Variants in TAOK3 observed in about 807,000 individuals in gnomAD.
TAOK3 encodes serine/threonine-protein kinase TAO3.
In TAOK3, 40 loss-of-function variants were observed where a neutral mutation model predicts 120.4. The observed-to-expected ratio is 0.33, with a 90% CI of 0.26 to 0.43. The LOEUF (loss-of-function observed/expected upper bound fraction) is 0.43. Among genes scored for constraint, TAOK3 ranks in the 20% least tolerant of loss-of-function variants. TAOK3 has a pLI of 1.00. For missense variants in TAOK3, 821 were observed against 1,112.1 expected (o/e 0.74, Z 3.72); for synonymous variants, 355 against 387.5 (o/e 0.92, Z 0.99).
intron 9 of TAOK3, among the ~76,000 whole-genome samples, chr12:118,225,178 G>T (rs2039439811): frequency 6.7e-6 from 1 of 150,138 alleles, no homozygotes; most frequent in South Asian, 2.1e-4. Context: ...AGTCCAGGGG[G>T]TGGAGGTTGC....
chr12:118,287,563 G>A (rs1312046517), intron 1 of TAOK3, among the ~76,000 whole-genome samples: 1 of 152,128 alleles, frequency 6.6e-6, no homozygotes, highest in East Asian at 1.9e-4. Context: ...GAAGTCTTAG[G>A]TCCTAGTGTC....
intron 1 of TAOK3, among the ~76,000 whole-genome samples, chr12:118,273,364 T>C (rs1023834873): frequency 6.6e-6 from 1 of 151,966 alleles, no homozygotes; most frequent in African/African-American, 2.4e-5. Context: ...TAGCCAGGTG[T>C]GGTGGTACAC....
chr12:118,194,896 G>A (rs967151342), intron 13 of TAOK3, among the ~76,000 whole-genome samples: 4 of 151,894 alleles, frequency 2.6e-5, no homozygotes, highest in Admixed American at 6.6e-5. Flanking sequence ...TTACAGGCGC[G>A]TGCCACCACG....
intron 9 of TAOK3, among the ~76,000 whole-genome samples, chr12:118,218,707 G>T (rs898323215): frequency 6.6e-6 from 1 of 151,818 alleles, no homozygotes; most frequent in Non-Finnish European, 1.5e-5. Flanking sequence ...TGAATTCATG[G>T]ATGTGGAACC....
intron 20 of TAOK3, 120 bp from the exon 21 acceptor site, chr12:118,151,278 T>TGCGCGC (rs761134529): frequency 1.3e-5 from 8 of 631,778 alleles, no homozygotes; most frequent in African/African-American, 1.0e-4. Context: ...ACACATGAAG[T>TGCGCGC]GCGCGCGCGC....
chr12:118,218,225 T>G (rs2039037924), intron 9 of TAOK3, among the ~76,000 whole-genome samples: 1 of 152,022 alleles, frequency 6.6e-6, no homozygotes, highest in African/African-American at 2.4e-5. Context: ...GAAGTTGCTG[T>G]GTGGTCGAAT....
chr12:118,229,557 TATG>T (rs2039667899), intron 9 of TAOK3, among the ~76,000 whole-genome samples: 2 of 152,350 alleles, frequency 1.3e-5, no homozygotes, highest in South Asian at 2.1e-4. Context: ...TAGTAAAAGT[TATG>T]ATATTTATCA....
At position 118,314,076 on chromosome 12, in the gene TAOK3, C is replaced by T. The variant is rs543053289; in HGVS notation, c.-193-47317G>A. Among the ~76,000 whole-genome samples the T allele has an allele frequency of 3.9e-5, 6 of 152,236 alleles. No homozygotes were observed. The South Asian group carries it at 1.2e-3, about 32-fold the overall frequency. On this transcript the variant is annotated intron_variant, in intron 1 of 20. Coordinates refer to ENST00000392533, the MANE Select transcript of TAOK3 (RefSeq NM_016281.4). ...CTTTTAACAGTGACATTTTAATTTC[C>T]ATCACAGTACACACTACCTATGTAT...
At chr12:118,353,324 C>T (rs569720367) in intron 1 of TAOK3, among the ~76,000 whole-genome samples, 4 of 152,108 alleles carry the variant, frequency 2.6e-5, no homozygotes, top group South Asian at 2.1e-4. Context: ...GCGTAGGCAG[C>T]GAGAAGCTCC....
intron 9 of TAOK3, among the ~76,000 whole-genome samples, chr12:118,227,650 G>A (rs911765845): frequency 6.6e-6 from 1 of 152,126 alleles, no homozygotes; most frequent in Non-Finnish European, 1.5e-5. Context: ...GAGAAACTGA[G>A]GATTAGGGAA....
intron 1 of TAOK3, among the ~76,000 whole-genome samples, chr12:118,365,422 G>A (rs1333938733): frequency 6.6e-6 from 1 of 151,588 alleles, no homozygotes; most frequent in African/African-American, 2.4e-5. Context: ...TTGTAGAGAT[G>A]GGCGGGGGCG....
Position 118,162,024 on chromosome 12 carries a change from G to T in TAOK3, c.1903C>A (p.Leu635Ile). 1 of 1,612,532 alleles carries T rather than the reference G, an allele frequency of 6.2e-7. No homozygotes were observed. The highest frequency in any genetic ancestry group is 8.5e-7 in the Non-Finnish European group (1 of 1,178,774). Residue 635 changes from leucine (L) to isoleucine (I), a missense_variant, in exon 18 of 21, where the codon CTA becomes ATA. Around this residue, in one of 2 missense-constraint regions of TAOK3, gnomAD observed 354 missense variants for 572.1 expected, o/e 0.62. Coordinates refer to ENST00000392533, the MANE Select transcript of TAOK3 (RefSeq NM_016281.4). ...EVEQQNIREE[L>I]NKKRTQKEME... ...TCCTTCTGGGTCCTCTTTTTATTTA[G>T]TTCCTGCGTCCAGGAACAAAAGATA...
chr12:118,234,152 C>T (rs1389578996), intron 8 of TAOK3, among the ~76,000 whole-genome samples: 2 of 140,162 alleles, frequency 1.4e-5, no homozygotes, highest in African/African-American at 5.4e-5. Context: ...GATTATATTG[C>T]TTTATATAGT....
intron 1 of TAOK3, among the ~76,000 whole-genome samples, chr12:118,298,503 CAA>C (rs1022572550): frequency 2.6e-5 from 4 of 152,112 alleles, no homozygotes; most frequent in African/African-American, 9.7e-5. Context: ...AAAAAACTAA[CAA>C]ATAAAACCCC....
chr12:118,203,432 G>A (rs1056437319), intron 11 of TAOK3, among the ~76,000 whole-genome samples: 4 of 152,090 alleles, frequency 2.6e-5, no homozygotes, highest in Admixed American at 2.6e-4. Flanking sequence ...TAAGCCTGGC[G>A]CGGTGGCTCA....
intron 2 of TAOK3, among the ~76,000 whole-genome samples, chr12:118,264,925 T>C (rs1455451186): frequency 3.3e-5 from 5 of 151,220 alleles, no homozygotes; most frequent in African/African-American, 9.7e-5. Context: ...TCCCAGCTAG[T>C]TGGGAGACTA....
At chr12:118,293,595 A>G (rs768496212) in intron 1 of TAOK3, among the ~76,000 whole-genome samples, 8 of 151,500 alleles carry the variant, frequency 5.3e-5, no homozygotes, top group Non-Finnish European at 8.8e-5. Context: ...AATCCCTTGA[A>G]CCCGGGAGGC....
At chr12:118,252,569 T>C (rs936014428) in intron 3 of TAOK3, among the ~76,000 whole-genome samples, 1 of 152,130 alleles carries the variant, frequency 6.6e-6, no homozygotes, top group Admixed American at 6.6e-5. Flanking sequence ...ATATGTATAT[T>C]GTATATACTT....
chr12:118,339,644 C>A (rs1001757843), intron 1 of TAOK3, among the ~76,000 whole-genome samples: 1 of 151,852 alleles, frequency 6.6e-6, no homozygotes, highest in Non-Finnish European at 1.5e-5. Context: ...CGGCTCACTG[C>A]AACCTCCACC....
Sources: allele counts gnomAD v4.1 joint callset (sites outside exome capture counted in the v4.1 genomes callset), GRCh38; gene constraint gnomAD v4.1.1; regional missense constraint gnomAD v4.1.1; transcripts MANE v1.5; gene names NCBI Gene and HGNC (gene_info 2026-07-23, HGNC 2026-07-21).